STK3: variants seen among roughly 807,000 people sequenced by gnomAD.
The protein encoded by STK3 is serine/threonine-protein kinase 3.
A neutral mutation model predicts 58.0 loss-of-function variants in STK3; 41 were observed. The observed-to-expected ratio is 0.71, with a 90% CI of 0.55 to 0.92. The LOEUF (loss-of-function observed/expected upper bound fraction) is 0.92. Ranked by LOEUF, STK3 falls within the 40% of genes least tolerant of loss-of-function variation. The pLI is 0.00. For missense variants in STK3, 479 were observed against 602.7 expected (o/e 0.79, Z 2.15); for synonymous variants, 170 against 191.0 (o/e 0.89, Z 0.91).
intron 1 of STK3, among the ~76,000 whole-genome samples, chr8:98,909,140 A>G (rs888915638): frequency 1.3e-5 from 2 of 152,222 alleles, no homozygotes; most frequent in African/African-American, 4.8e-5. Context: ...TAGCCTGGGC[A>G]ACAGAGTGAG....
chr8:98,548,426 T>C (rs1260022607), intron 8 of STK3, among the ~76,000 whole-genome samples: 4 of 152,116 alleles, frequency 2.6e-5, no homozygotes, highest in Middle Eastern at 3.2e-3. Flanking sequence ...AGGATTAAGA[T>C]AGGTAAACTA....
chr8:98,790,028 C>A (rs963667485), intron 1 of STK3, among the ~76,000 whole-genome samples: 2,158 of 88,220 alleles, frequency 0.024, no homozygotes, highest in Middle Eastern at 0.033. Context: ...GACTTCATCT[C>A]AAAAAAAAAA....
intron 4 of STK3, among the ~76,000 whole-genome samples, chr8:98,727,758 C>A (rs1217722890): frequency 6.6e-6 from 1 of 152,110 alleles, no homozygotes; most frequent in Non-Finnish European, 1.5e-5. Flanking sequence ...TTTAAAGTCT[C>A]CTGCTGCCTT....
At chr8:98,535,444 T>A (rs1288653354) in intron 9 of STK3, among the ~76,000 whole-genome samples, 2 of 146,358 alleles carry the variant, frequency 1.4e-5, no homozygotes, top group Non-Finnish European at 3.0e-5. Flanking sequence ...CAGGACCACA[T>A]TGCTTTCATT....
intron 3 of STK3, among the ~76,000 whole-genome samples, chr8:98,420,165 C>T (rs1818153566): frequency 6.6e-6 from 1 of 152,142 alleles, no homozygotes; most frequent in East Asian, 1.9e-4. Flanking sequence ...AAATTGTGTG[C>T]TTTTCTGAGT....
intron 6 of STK3, among the ~76,000 whole-genome samples, chr8:98,613,635 C>A (rs1817383659): frequency 6.6e-6 from 1 of 150,546 alleles, no homozygotes; most frequent in Admixed American, 6.6e-5. Context: ...ATCAAGTAAC[C>A]CACAGGAAGT....
intron 8 of STK3, among the ~76,000 whole-genome samples, chr8:98,560,715 C>G (rs975565285): frequency 1.3e-5 from 2 of 152,014 alleles, no homozygotes; most frequent in African/African-American, 4.8e-5. Flanking sequence ...AGGCCTAGAA[C>G]AGCCAAGGCA....
intron 1 of STK3, among the ~76,000 whole-genome samples, chr8:98,792,551 T>C (rs1248190863): frequency 6.6e-6 from 1 of 151,936 alleles, no homozygotes; most frequent in African/African-American, 2.4e-5. Flanking sequence ...AAATACAAAA[T>C]TAGCTGGGCA....
intron 4 of STK3, among the ~76,000 whole-genome samples, chr8:98,708,479 G>C (rs904322552): frequency 6.6e-6 from 1 of 151,930 alleles, no homozygotes; most frequent in African/African-American, 2.4e-5. Flanking sequence ...AAGAAAAAAC[G>C]TCAGAGAAAG....
chr8:98,756,847 G>C (rs1170461690), intron 3 of STK3, among the ~76,000 whole-genome samples: 1 of 152,108 alleles, frequency 6.6e-6, no homozygotes, highest in Non-Finnish European at 1.5e-5. Flanking sequence ...ACACTCTAGG[G>C]TCAACTTTTC....
chr8:98,923,850 TGTGTGCGCGCGCGCGC>T (rs755304012), intron 1 of STK3, among the ~76,000 whole-genome samples: 162 of 121,642 alleles, frequency 1.3e-3, no homozygotes, highest in Middle Eastern at 8.2e-3. Context: ...TGTGTGTGTG[TGTGTGCGCGCGCGCGC>T]GCGCGCGCGC....
intron 4 of STK3, among the ~76,000 whole-genome samples, chr8:98,717,286 A>T (rs936938618): frequency 6.6e-6 from 1 of 152,170 alleles, no homozygotes; most frequent in African/African-American, 2.4e-5. Flanking sequence ...GTATCTGATA[A>T]GACATTAATA....
At chr8:98,923,739 A>C (rs1323528268) in intron 1 of STK3, among the ~76,000 whole-genome samples, 9 of 152,030 alleles carry the variant, frequency 5.9e-5, no homozygotes, top group Admixed American at 5.9e-4. Context: ...GGTACCCTCC[A>C]AGTCATGGAA....
intron 1 of STK3, among the ~76,000 whole-genome samples, chr8:98,910,280 T>A (rs1456905553): frequency 2.0e-5 from 3 of 152,240 alleles, no homozygotes; most frequent in Non-Finnish European, 4.4e-5. Flanking sequence ...CTTTTTAAAG[T>A]AATTTTTTTA....
chr8:98,794,264 A>G (rs972863745), intron 1 of STK3, among the ~76,000 whole-genome samples: 5 of 152,208 alleles, frequency 3.3e-5, no homozygotes, highest in Admixed American at 1.3e-4. Flanking sequence ...AGACCGACAG[A>G]CTGCAAGCTA....
intron 4 of STK3, among the ~76,000 whole-genome samples, chr8:98,745,047 T>G (rs931990126): frequency 6.6e-6 from 1 of 152,186 alleles, no homozygotes; most frequent in African/African-American, 2.4e-5. Context: ...TGACAGGAGT[T>G]TGGCTCCAGC....
chr8:98,607,280 G>C (rs79438271), intron 6 of STK3, among the ~76,000 whole-genome samples: 5 of 152,088 alleles, frequency 3.3e-5, no homozygotes, highest in African/African-American at 1.2e-4. Flanking sequence ...CCCTTTCAGG[G>C]ATCTACCAAG....
intron 3 of STK3, among the ~76,000 whole-genome samples, chr8:98,858,317 T>G (rs868185116): frequency 0.082 from 3,966 of 48,624 alleles, 114 homozygotes; most frequent in Non-Finnish European, 0.1. Flanking sequence ...TATATATATA[T>G]ATATATAGAG....
intron 4 of STK3, among the ~76,000 whole-genome samples, chr8:98,711,679 G>A (rs952656105): frequency 6.6e-6 from 1 of 152,150 alleles, no homozygotes; most frequent in African/African-American, 2.4e-5. Flanking sequence ...GAAAGTGATG[G>A]GGAGAATGAA....
Sources: allele counts gnomAD v4.1 joint callset (sites outside exome capture counted in the v4.1 genomes callset), GRCh38; gene constraint gnomAD v4.1.1; transcripts MANE v1.5; gene names NCBI Gene and HGNC (gene_info 2026-07-23, HGNC 2026-07-21).